The following NFX1 variants were observed in gnomAD, a reference collection of about 807,000 sequenced individuals.
NFX1 encodes nuclear transcription factor, X-box binding 1.
A neutral mutation model predicts 137.2 loss-of-function variants in NFX1; 69 were observed. The observed-to-expected ratio is 0.50, with a 90% CI of 0.41 to 0.61. The LOEUF (loss-of-function observed/expected upper bound fraction) is 0.61. Among genes scored for constraint, NFX1 ranks in the 20% least tolerant of loss-of-function variants. The pLI is 0.00. For synonymous variants in NFX1, 495 were observed against 474.1 expected, an observed-to-expected ratio of 1.04 and a Z score of -0.57; for missense variants, 1,167 against 1,391.0, an observed-to-expected ratio of 0.84 and a Z score of 2.56.
At chr9:33,352,557 A>G (rs746710711) in intron 16 of NFX1, 89 bp from the exon 17 acceptor site, 76 of 1,116,582 alleles carry the variant, frequency 6.8e-5, no homozygotes, top group Middle Eastern at 2.0e-4. Context: ...AGTCTCTGCT[A>G]TGGTTTAAGA....
Position 33,331,377 on chromosome 9 carries a change from A to G in NFX1, c.2005-1095A>G, listed in dbSNP as rs890612426. ...ATTCTGATAAATGTATGCTGTGTCT[A>G]TGTCTTCATAAAGCATGCTATATTT... On this transcript the variant is annotated intron_variant, in intron 10 of 23. Transcript: ENST00000379540. Among the ~76,000 whole-genome samples the G allele has an allele frequency of 4.6e-5, 7 of 152,172 alleles. No homozygotes were observed. In the South Asian group the frequency reaches 6.2e-4, roughly 14 times the overall value.
At chr9:33,365,197 C>T (rs755582830) in intron 21 of NFX1, 1 of 164,740 alleles carries the variant, frequency 6.1e-6, no homozygotes, top group Non-Finnish European at 1.3e-5. Context: ...TTCCTTGAAC[C>T]CGGGAGGCAG....
intron 10 of NFX1, among the ~76,000 whole-genome samples, chr9:33,332,258 G>A (rs1227260418): frequency 6.6e-6 from 1 of 152,172 alleles, no homozygotes; most frequent in African/African-American, 2.4e-5. Context: ...GTATTTTCAT[G>A]AAAAGTCTGT....
intron 7 of NFX1, 112 bp from the exon 8 acceptor site, chr9:33,318,619 G>A: frequency 2.1e-6 from 2 of 937,496 alleles, no homozygotes; most frequent in Non-Finnish European, 3.4e-6. Context: ...CAGATTACAG[G>A]CATGAGCGAC....
At chr9:33,331,230 A>G (rs1214608241) in intron 10 of NFX1, among the ~76,000 whole-genome samples, 1 of 152,168 alleles carries the variant, frequency 6.6e-6, no homozygotes, top group African/African-American at 2.4e-5. Context: ...TTTCATGAAT[A>G]TGGATTTTTC....
At chr9:33,309,174 G>A (rs1252823085) in intron 5 of NFX1, among the ~76,000 whole-genome samples, 6 of 152,024 alleles carry the variant, frequency 3.9e-5, no homozygotes, top group Non-Finnish European at 7.4e-5. Flanking sequence ...TGGCTAAGAC[G>A]GTGCAACCCT....
At chr9:33,369,258 G>A (rs1295024315) in intron 23 of NFX1, among the ~76,000 whole-genome samples, 3 of 151,966 alleles carry the variant, frequency 2.0e-5, no homozygotes, top group African/African-American at 7.3e-5. Context: ...GTAGAAACGG[G>A]GTTTCACCAT....
intron 14 of NFX1, among the ~76,000 whole-genome samples, chr9:33,345,594 A>G (rs1278241381): frequency 6.6e-6 from 1 of 152,212 alleles, no homozygotes; most frequent in Non-Finnish European, 1.5e-5. Context: ...GCAAATATAT[A>G]TGTTTGCATT....
rs1464246626 is a variant in NFX1, at chr9:33,370,178, A to G, written c.*200A>G. 2 of 496,774 alleles carry G rather than the reference A, an allele frequency of 4.0e-6. No individual in the cohort carries two copies. The highest frequency in any genetic ancestry group is 2.0e-5 in the African/African-American group (1 of 50,032). 30.8% of individuals were successfully genotyped at this position (496,774 alleles called of 1,614,324 possible). A position where few individuals can be genotyped will look rare whatever the true frequency, so the allele number is the denominator to read the frequency against. On this transcript the variant is annotated 3_prime_UTR_variant, in exon 24 of 24. Coordinates refer to ENST00000379540, the MANE Select transcript of NFX1 (RefSeq NM_002504.6). ...GTATAAAGTGTTTCATTATGACCAG[A>G]TCTCTGATTGTATGGTCACTAGGTA...
chr9:33,297,430 G>A (rs60850126), intron 2 of NFX1, among the ~76,000 whole-genome samples: 3,624 of 152,296 alleles, frequency 0.024, 136 homozygotes, highest in African/African-American at 0.083. Flanking sequence ...CTTAAGGCTG[G>A]TTAATAATTA....
chr9:33,328,557 C>T lies in NFX1; in HGVS notation c.1907-24C>T, dbSNP rs545050091. ...AATGAGTAGTTGCAGTTTTCATTTCCAGCTCTTTTCGTTTTTATTAAAGAT... is the reference window on the plus strand; with the variant it reads ...AATGAGTAGTTGCAGTTTTCATTTCTAGCTCTTTTCGTTTTTATTAAAGAT... On this transcript the variant is annotated intron_variant, in intron 9 of 23. Coordinates refer to ENST00000379540, the MANE Select transcript of NFX1 (RefSeq NM_002504.6). 5.7e-4 allele frequency: 894 copies of T among 1,572,434 alleles called. 11 individuals are homozygous for T. The South Asian group carries it at 9.5e-3, about 17-fold the overall frequency.
intron 4 of NFX1, among the ~76,000 whole-genome samples, chr9:33,304,288 CAAAG>C (rs373781580): frequency 1.2e-4 from 18 of 152,190 alleles, no homozygotes; most frequent in African/African-American, 3.6e-4. Flanking sequence ...AAAATAAAAA[CAAAG>C]AAATCACCAA....
At chr9:33,311,039 C>T in intron 5 of NFX1, 67 bp from the exon 6 acceptor site, 1 of 1,456,754 alleles carries the variant, frequency 6.9e-7, no homozygotes. Flanking sequence ...TAAGACCCAG[C>T]TGGGACAGCT....
intron 19 of NFX1, among the ~76,000 whole-genome samples, chr9:33,356,444 CT>C (rs1823812850): frequency 6.6e-6 from 1 of 151,878 alleles, no homozygotes. Context: ...CTCTTGATGC[CT>C]TTTTTTAATC....
chr9:33,321,067 A>G (rs1822366331), intron 9 of NFX1, among the ~76,000 whole-genome samples: 1 of 152,216 alleles, frequency 6.6e-6, no homozygotes, highest in South Asian at 2.1e-4. Context: ...TAGTAAATCA[A>G]ATCCCCTTTC....
chr9:33,360,080 G>A (rs373861419), intron 19 of NFX1, among the ~76,000 whole-genome samples: 2 of 152,158 alleles, frequency 1.3e-5, no homozygotes, highest in Admixed American at 6.5e-5. Flanking sequence ...TTTAGGAACC[G>A]TCAGTCAGTG....
At chr9:33,328,347 T>C (rs556283122) in intron 9 of NFX1, among the ~76,000 whole-genome samples, 1 of 152,168 alleles carries the variant, frequency 6.6e-6, no homozygotes, top group South Asian at 2.1e-4. Context: ...AGGCAAATCG[T>C]CGTATACTTT....
At chr9:33,337,767 G>A (rs1823060576) in intron 11 of NFX1, among the ~76,000 whole-genome samples, 1 of 151,740 alleles carries the variant, frequency 6.6e-6, no homozygotes, top group African/African-American at 2.4e-5. Context: ...AAAAACTGAT[G>A]GCCGGGCATG....
chr9:33,366,663 C>G lies in NFX1; in HGVS notation c.3074C>G (p.Pro1025Arg), dbSNP rs1427487171. 1 of 1,614,134 alleles carries G rather than the reference C, an allele frequency of 6.2e-7. No homozygotes were observed. The highest frequency in any genetic ancestry group is 8.5e-7 in the Non-Finnish European group (1 of 1,180,020). Residue 1025 changes from proline to arginine, a missense_variant, in exon 22 of 24, where the codon CCC (proline) becomes CGC (arginine). Transcript: ENST00000379540. ...KNSKKSHSFP[P>R]MNRDHRRIIH... The stretch of plus-strand genomic sequence containing the variant: ...AGTAAGAAAAGCCACAGCTTCCCTC[C>G]CATGAACAGAGACCACCGCCGGATC...
Sources: allele counts gnomAD v4.1 joint callset (sites outside exome capture counted in the v4.1 genomes callset), GRCh38; gene constraint gnomAD v4.1.1; transcripts MANE v1.5; gene names NCBI Gene and HGNC (gene_info 2026-07-23, HGNC 2026-07-21).